The following BRAF variants were observed in gnomAD, a reference collection of about 807,000 sequenced individuals.
BRAF encodes B-Raf proto-oncogene, serine/threonine kinase, also known as serine/threonine-protein kinase B-raf.
In BRAF, 16 loss-of-function variants were observed where a neutral mutation model predicts 104.6. The ratio of observed to expected loss-of-function variants is 0.15; its 90% CI spans 0.10 to 0.23. The LOEUF (loss-of-function observed/expected upper bound fraction) is 0.23, where lower values mean the gene tolerates loss of function less well. BRAF is among the 10% of genes least tolerant of loss of function. The probability of loss-of-function intolerance (pLI) is 1.00; values close to 1 mark genes in which losing one functional copy is unlikely to be tolerated. For synonymous variants in BRAF, 310 were observed against 341.6 expected, an observed-to-expected ratio of 0.91 and a Z score of 1.02; for missense variants, 541 against 937.3, an observed-to-expected ratio of 0.58 and a Z score of 5.52.
At chr7:140,839,975 AAAG>A (rs1807762408) in intron 2 of BRAF, among the ~76,000 whole-genome samples, 1 of 152,166 alleles carries the variant, frequency 6.6e-6, no homozygotes, top group Non-Finnish European at 1.5e-5. Flanking sequence ...ACTGCCTGAG[AAAG>A]AAGGCACCGA....
chr7:140,876,057 T>C (rs1184033476), intron 1 of BRAF, among the ~76,000 whole-genome samples: 1 of 152,210 alleles, frequency 6.6e-6, no homozygotes, highest in Non-Finnish European at 1.5e-5. Context: ...CCCTCTCCTC[T>C]TAGTTTCCTT....
intron 1 of BRAF, among the ~76,000 whole-genome samples, chr7:140,871,400 A>G (rs1811580945): frequency 1.3e-5 from 2 of 152,208 alleles, no homozygotes; most frequent in African/African-American, 4.8e-5. Context: ...CCACAGGGAC[A>G]GAGGCTACAC....
intron 8 of BRAF, among the ~76,000 whole-genome samples, chr7:140,793,427 G>C (rs1802178644): frequency 6.6e-6 from 1 of 152,016 alleles, no homozygotes; most frequent in Non-Finnish European, 1.5e-5. Flanking sequence ...AATAAAAATA[G>C]AGAAAATTTC....
chr7:140,762,805 G>C (rs1586058801), intron 14 of BRAF, among the ~76,000 whole-genome samples: 2 of 152,194 alleles, frequency 1.3e-5, no homozygotes, highest in African/African-American at 4.8e-5. Flanking sequence ...GAGTGGTGAT[G>C]ACTCTTAAGG....
chr7:140,728,920 A>T (rs1795764665), intron 19 of BRAF, among the ~76,000 whole-genome samples: 1 of 152,128 alleles, frequency 6.6e-6, no homozygotes, highest in Non-Finnish European at 1.5e-5. Flanking sequence ...ACATTAAAAA[A>T]TACTTAAAAA....
intron 2 of BRAF, among the ~76,000 whole-genome samples, chr7:140,842,713 T>C (rs144682509): frequency 1.3e-5 from 2 of 152,272 alleles, no homozygotes; most frequent in East Asian, 1.9e-4. Flanking sequence ...CTTTGGATGA[T>C]GGTAGAAAAA....
rs1795594051 is a variant in BRAF at position 140,726,287 on chromosome 7, A to G, written c.*207T>C. 1.4e-6 allele frequency: 2 copies of G among 1,414,136 alleles called. No individual in the cohort carries two copies. The highest frequency in any genetic ancestry group is 1.8e-6 in the Non-Finnish European group (2 of 1,091,724). The allele number at this position is 1,414,136 out of a possible 1,614,324, so 87.6% of individuals were successfully genotyped here. On this transcript the variant is annotated 3_prime_UTR_variant, in exon 20 of 20. Coordinates refer to ENST00000644969, the MANE Select transcript of BRAF (RefSeq NM_001374258.1). ...TATGCTCGTGGTATTTTTGTTGAAG[A>G]AACACTGGCAGCAGAGAATTCTGGT...
At chr7:140,911,517 G>A (rs1452058019) in intron 1 of BRAF, among the ~76,000 whole-genome samples, 4 of 152,178 alleles carry the variant, frequency 2.6e-5, no homozygotes, top group Admixed American at 2.0e-4. Flanking sequence ...CAAAGCAGAG[G>A]CATCAAACTA....
intron 1 of BRAF, among the ~76,000 whole-genome samples, chr7:140,863,195 A>C (rs189831816): frequency 1.3e-5 from 2 of 152,260 alleles, no homozygotes; most frequent in African/African-American, 4.8e-5. Flanking sequence ...AAAAAAAAAA[A>C]CTGATTTTTT....
intron 3 of BRAF, among the ~76,000 whole-genome samples, chr7:140,831,841 G>T (rs895606475): frequency 6.6e-6 from 1 of 152,126 alleles, no homozygotes; most frequent in African/African-American, 2.4e-5. Context: ...ACATGACTTT[G>T]TCTTCCTGCC....
intron 1 of BRAF, among the ~76,000 whole-genome samples, chr7:140,860,507 C>T (rs6957490): frequency 0.29 from 42,930 of 148,164 alleles, 10,080 homozygotes; most frequent in African/African-American, 0.66. Flanking sequence ...TAGTTGGATG[C>T]GGTACCACAT....
chr7:140,771,729 A>G (rs1799862265), intron 14 of BRAF, among the ~76,000 whole-genome samples: 1 of 149,896 alleles, frequency 6.7e-6, no homozygotes, highest in South Asian at 2.3e-4. Context: ...GTCTAGCTAT[A>G]GACTATATCT....
Position 140,725,862 on chromosome 7 carries a change from CT to C in BRAF, c.*631del. On this transcript the variant is annotated 3_prime_UTR_variant, in exon 20 of 20. Transcript: ENST00000644969. ...GGTCAGGAAGAAGATGCAGCATGCC[CT>C]TTTCCTCCATACCAAGACACATCTA... is the stretch of plus-strand genomic sequence containing the variant. 9.4e-7 allele frequency: 1 copy of C among 1,062,950 alleles called. No individual in the cohort carries two copies. Among genetic ancestry groups the C allele is most frequent in the Non-Finnish European group, 1.1e-6 (1 of 877,914 alleles). The allele number at this position is 1,062,950 out of a possible 1,614,324, so 65.8% of individuals were successfully genotyped here. A position where few individuals can be genotyped will look rare whatever the true frequency, so the allele number is the denominator to read the frequency against.
chr7:140,845,620 A>T (rs1808459134), intron 2 of BRAF, among the ~76,000 whole-genome samples: 1 of 152,174 alleles, frequency 6.6e-6, no homozygotes, highest in African/African-American at 2.4e-5. Context: ...GGAAAATGCA[A>T]ATCAGCACCA....
chr7:140,869,089 AG>A (rs1811282443), intron 1 of BRAF, among the ~76,000 whole-genome samples: 1 of 152,228 alleles, frequency 6.6e-6, no homozygotes, highest in Admixed American at 6.5e-5. Flanking sequence ...TGGGAGGACA[AG>A]GCATAGGATG....
intron 5 of BRAF, among the ~76,000 whole-genome samples, chr7:140,807,462 C>G (rs750985003): frequency 1.3e-5 from 2 of 151,178 alleles, no homozygotes; most frequent in African/African-American, 2.4e-5. Flanking sequence ...TCCGTGACAT[C>G]CTGTTGAATT....
rs552523785 is a variant in BRAF, at chr7:140,921,596, C to T, written c.138+2970G>A. On this transcript the variant is annotated intron_variant, in intron 1 of 19. Transcript: ENST00000644969. ...TTTTTGCTTTAAGTTTTTTAAAATACAAAACTACATAGTGTTATAAAAGCA... is the reference window on the plus strand; with the variant it reads ...TTTTTGCTTTAAGTTTTTTAAAATATAAAACTACATAGTGTTATAAAAGCA... 2.0e-5 allele frequency among the ~76,000 whole-genome samples: 3 copies of T among 151,978 alleles called. No individual in the cohort carries two copies. In the East Asian group the frequency reaches 5.8e-4, roughly 29 times the overall value.
At chr7:140,714,629 G>C (rs554838339), downstream of BRAF, among the ~76,000 whole-genome samples, 1 of 152,174 alleles carries the variant, frequency 6.6e-6, no homozygotes, top group Admixed American at 6.5e-5. Flanking sequence ...CCAAAGTGCT[G>C]AGATTACAGG....
chr7:140,837,488 A>G (rs1040920262), intron 2 of BRAF, among the ~76,000 whole-genome samples: 1 of 152,180 alleles, frequency 6.6e-6, no homozygotes, highest in Non-Finnish European at 1.5e-5. Flanking sequence ...GCCATTGGTG[A>G]TATCTTAAGA....
Sources: allele counts gnomAD v4.1 joint callset (sites outside exome capture counted in the v4.1 genomes callset), GRCh38; gene constraint gnomAD v4.1.1; transcripts MANE v1.5; gene names NCBI Gene and HGNC (gene_info 2026-07-23, HGNC 2026-07-21).